Variants in MOBP observed in about 807,000 individuals in gnomAD.
MOBP encodes the protein myelin-associated oligodendrocyte basic protein.
MOBP carries 5 observed loss-of-function variants against 15.0 expected under a neutral mutation model. That is an observed-to-expected ratio of 0.33 (90% CI 0.17 to 0.70). The LOEUF is 0.70. MOBP is among the 30% of genes least tolerant of loss of function. MOBP has a pLI of 0.67. For synonymous variants in MOBP, 88 were observed against 99.0 expected (o/e 0.89, Z 0.66); for missense variants, 188 against 257.8 (o/e 0.73, Z 1.85).
intron 4 of MOBP, among the ~76,000 whole-genome samples, chr3:39,511,086 G>A (rs1156467702): frequency 6.6e-6 from 1 of 152,158 alleles, no homozygotes; most frequent in African/African-American, 2.4e-5. Flanking sequence ...AATCACAGAG[G>A]TCCTAAATAC....
At chr3:39,496,205 T>TC (rs1050260451) in intron 2 of MOBP, among the ~76,000 whole-genome samples, 2 of 151,538 alleles carry the variant, frequency 1.3e-5, no homozygotes, top group African/African-American at 4.8e-5. Context: ...TTTTCTTTTT[T>TC]TTTTTGTTTT....
At chr3:39,480,360 C>T (rs2042610470) in intron 2 of MOBP, among the ~76,000 whole-genome samples, 1 of 152,172 alleles carries the variant, frequency 6.6e-6, no homozygotes, top group Admixed American at 6.5e-5. Flanking sequence ...ACCCAAGCCA[C>T]CGAGTGTCTG....
intron 1 of MOBP, among the ~76,000 whole-genome samples, chr3:39,469,377 TGG>T (rs2042434618): frequency 2.2e-5 from 2 of 90,816 alleles, no homozygotes; most frequent in African/African-American, 1.2e-4. Flanking sequence ...TTATTTTAAT[TGG>T]AATTAATTAA....
downstream of MOBP, among the ~76,000 whole-genome samples, chr3:39,504,488 G>A (rs1370002866): frequency 6.7e-6 from 1 of 149,924 alleles, no homozygotes; most frequent in African/African-American, 2.5e-5. Flanking sequence ...TAGTGTTGGT[G>A]TGCTTTGACT....
chr3:39,519,954 C>T (rs147117905), downstream of MOBP, among the ~76,000 whole-genome samples: 1,743 of 141,164 alleles, frequency 0.012, 22 homozygotes, highest in Non-Finnish European at 0.019. Context: ...CTGATCATGA[C>T]ATCTGTTTTT....
chr3:39,502,354 C>T lies in MOBP; in HGVS notation c.206+79C>T. 1.3e-6 allele frequency: 2 copies of T among 1,591,222 alleles called. No homozygotes were observed. Among genetic ancestry groups the T allele is most frequent in the Non-Finnish European group, 1.7e-6 (2 of 1,169,316 alleles). On this transcript the variant is annotated intron_variant, in intron 3 of 3. Coordinates refer to ENST00000684792, the MANE Select transcript of MOBP (RefSeq NM_001393704.1). The surrounding 1 kb of genome is among the most constrained non-coding windows in gnomAD (Gnocchi z 6.3). ...CTCCCAGCACGCCCCTCCCGCTCCG[C>T]ACCCCACTCTTCCCCCTAGTCGGCT...
At chr3:39,491,832 C>A (rs2042799419) in intron 2 of MOBP, among the ~76,000 whole-genome samples, 1 of 152,158 alleles carries the variant, frequency 6.6e-6, no homozygotes, top group African/African-American at 2.4e-5. Flanking sequence ...TTGTTTTCTC[C>A]TTTTTCTAGG....
downstream of MOBP, among the ~76,000 whole-genome samples, chr3:39,518,188 A>G (rs1378703069): frequency 2.6e-5 from 4 of 152,242 alleles, no homozygotes; most frequent in African/African-American, 7.2e-5. Context: ...CAGTAGTGGT[A>G]TCTGGAGAGG....
At chr3:39,519,769 G>A (rs1164825931), downstream of MOBP, among the ~76,000 whole-genome samples, 1 of 151,924 alleles carries the variant, frequency 6.6e-6, no homozygotes, top group Non-Finnish European at 1.5e-5. Flanking sequence ...TATCTGATTT[G>A]CTCACTGCCT....
intron 1 of MOBP, among the ~76,000 whole-genome samples, chr3:39,472,948 A>T (rs1038192162): frequency 2.7e-4 from 41 of 151,166 alleles, no homozygotes; most frequent in African/African-American, 9.4e-4. Flanking sequence ...TCAAAAAGGA[A>T]AAAAAAATAA....
At chr3:39,488,711 C>A (rs656454) in intron 2 of MOBP, among the ~76,000 whole-genome samples, 1 of 151,908 alleles carries the variant, frequency 6.6e-6, no homozygotes, top group Non-Finnish European at 1.5e-5. Context: ...ATTGGGCATT[C>A]GCTTAAGTCA....
chr3:39,494,537 G>T (rs1163569476), intron 2 of MOBP, among the ~76,000 whole-genome samples: 1 of 151,416 alleles, frequency 6.6e-6, no homozygotes, highest in Non-Finnish European at 1.5e-5. Context: ...GGTATCTTTT[G>T]TGAAAACGTC....
downstream of MOBP, chr3:39,526,773 C>CT (rs5848517): frequency 0.77 from 84,276 of 108,922 alleles, 33,694 homozygotes; most frequent in East Asian, 0.85. Flanking sequence ...TCCTTCCTTC[C>CT]TTTTTTTTTT....
intron 2 of MOBP, among the ~76,000 whole-genome samples, chr3:39,496,456 C>T (rs954327248): frequency 4.0e-5 from 6 of 151,500 alleles, no homozygotes; most frequent in Non-Finnish European, 7.4e-5. Flanking sequence ...ACCTTGGCCT[C>T]CCAAAGTGCT....
chr3:39,484,708 C>T (rs1405279855), intron 2 of MOBP, among the ~76,000 whole-genome samples: 2 of 152,166 alleles, frequency 1.3e-5, no homozygotes, highest in Non-Finnish European at 1.5e-5. Context: ...TATCTGGCCC[C>T]ACTACAATAA....
downstream of MOBP, among the ~76,000 whole-genome samples, chr3:39,507,518 T>TAG (rs1211621221): frequency 6.6e-6 from 1 of 152,080 alleles, no homozygotes; most frequent in Non-Finnish European, 1.5e-5. Flanking sequence ...TTGTGCAAAG[T>TAG]AGAGAGAGAC....
At chr3:39,473,280 A>G (rs1251947014) in intron 1 of MOBP, among the ~76,000 whole-genome samples, 2 of 152,338 alleles carry the variant, frequency 1.3e-5, no homozygotes, top group Non-Finnish European at 2.9e-5. Flanking sequence ...GATAGTTGCC[A>G]TTGAAAAGAC....
chr3:39,476,171 T>C (rs1012355642), intron 1 of MOBP, among the ~76,000 whole-genome samples: 6 of 83,306 alleles, frequency 7.2e-5, no homozygotes, highest in Non-Finnish European at 1.1e-4. Context: ...CAACCAGATA[T>C]CATGAGAACT....
rs191529491 is a variant in MOBP at position 39,483,897 on chromosome 3, G to A, written c.-5+3774G>A. On this transcript the variant is annotated intron_variant, in intron 2 of 3. Transcript: ENST00000684792. ...GCTGAGAACCTGACAAAAGCAGCCCGAGTCCTACATAACATCCCAGAGGAC... is the reference window on the plus strand; with the variant it reads ...GCTGAGAACCTGACAAAAGCAGCCCAAGTCCTACATAACATCCCAGAGGAC... Among the ~76,000 whole-genome samples, 42 of 152,218 alleles carry A rather than the reference G, an allele frequency of 2.8e-4. No homozygotes were observed. In the South Asian group the frequency reaches 3.7e-3, roughly 14 times the overall value.
Sources: gnomAD v4.1 joint callset for allele counts (sites outside exome capture counted in the v4.1 genomes callset) on GRCh38, gnomAD v4.1.1 for gene constraint, Gnocchi (gnomAD v3.1) non-coding constraint, MANE v1.5 for transcripts, NCBI Gene and HGNC (gene_info 2026-07-23, HGNC 2026-07-21) for gene names.